GPC5: variants seen among roughly 807,000 people sequenced by gnomAD.
GPC5 encodes glypican-5.
Under a neutral mutation model 53.9 loss-of-function variants are expected in GPC5, and 47 were observed. That is an observed-to-expected ratio of 0.87 (90% CI 0.69 to 1.11). The LOEUF is 1.11. GPC5 is among the 50% of genes most tolerant of loss of function. The pLI is 0.00. For synonymous variants in GPC5, 286 were observed against 263.3 expected, an observed-to-expected ratio of 1.09 and a Z score of -0.84; for missense variants, 748 against 713.1, an observed-to-expected ratio of 1.05 and a Z score of -0.56.
At position 91,565,643 on chromosome 13, in the gene GPC5, G is replaced by A. The variant is rs557089461; in HGVS notation, c.325+116721G>A. Among the ~76,000 whole-genome samples the A allele has an allele frequency of 3.7e-4, 57 of 152,288 alleles. 1 individual carries two copies. In the South Asian group the frequency reaches 0.011, roughly 30 times the overall value. ...CATGGTTGTTTGTCCTAGGCGTTGC[G>A]CCTGGCACACTAATGCTGAACAAAT... On this transcript the variant is annotated intron_variant, in intron 2 of 7. Transcript: ENST00000377067.
intron 4 of GPC5, among the ~76,000 whole-genome samples, chr13:91,739,126 T>C (rs1479728795): frequency 1.3e-5 from 2 of 151,538 alleles, no homozygotes; most frequent in Non-Finnish European, 2.9e-5. Context: ...AATGAAAATG[T>C]CTAAGCCATC....
At chr13:92,072,259 T>C (rs1361931548) in intron 6 of GPC5, among the ~76,000 whole-genome samples, 1 of 150,452 alleles carries the variant, frequency 6.6e-6, no homozygotes, top group Non-Finnish European at 1.5e-5. Flanking sequence ...CTGCTAATTT[T>C]AATTTTATTA....
intron 7 of GPC5, among the ~76,000 whole-genome samples, chr13:92,643,702 G>T (rs1885669015): frequency 6.8e-6 from 1 of 146,584 alleles, no homozygotes; most frequent in African/African-American, 2.5e-5. Context: ...ACAGGAAGGG[G>T]AATATCACAC....
At chr13:91,672,033 T>G (rs2035262567) in intron 2 of GPC5, among the ~76,000 whole-genome samples, 1 of 152,106 alleles carries the variant, frequency 6.6e-6, no homozygotes, top group African/African-American at 2.4e-5. Flanking sequence ...GAAAACTGGC[T>G]AGCCATATGC....
chr13:91,939,772 G>A (rs765537816), intron 6 of GPC5, among the ~76,000 whole-genome samples: 2 of 152,086 alleles, frequency 1.3e-5, no homozygotes, highest in Non-Finnish European at 2.9e-5. Flanking sequence ...AGACTACCAC[G>A]AGGGCTGAAG....
intron 7 of GPC5, among the ~76,000 whole-genome samples, chr13:92,535,577 T>C (rs974264347): frequency 6.6e-6 from 1 of 152,064 alleles, no homozygotes; most frequent in Admixed American, 6.6e-5. Context: ...TGACACTTTT[T>C]GAGAGGCCTC....
intron 2 of GPC5, among the ~76,000 whole-genome samples, chr13:91,498,972 C>CAA (rs5805699): frequency 0.024 from 3,625 of 149,374 alleles, 53 homozygotes; most frequent in South Asian, 0.029. Context: ...GTCTCCCTCT[C>CAA]AAAAAAAAAG....
chr13:92,374,833 C>G (rs1430215858), intron 7 of GPC5, among the ~76,000 whole-genome samples: 1 of 137,334 alleles, frequency 7.3e-6, no homozygotes, highest in Non-Finnish European at 1.5e-5. Flanking sequence ...TGCACATGTA[C>G]CCTAAAACTT....
At chr13:91,677,613 T>G (rs1002890754) in intron 2 of GPC5, among the ~76,000 whole-genome samples, 1 of 152,208 alleles carries the variant, frequency 6.6e-6, no homozygotes, top group African/African-American at 2.4e-5. Flanking sequence ...CCAAGCACTT[T>G]GATCTTGCCC....
chr13:92,621,667 CA>C (rs1196723173), intron 7 of GPC5, among the ~76,000 whole-genome samples: 2 of 151,892 alleles, frequency 1.3e-5, no homozygotes, highest in Admixed American at 1.3e-4. Context: ...CTAAAATTCC[CA>C]AATTAGTTGG....
intron 7 of GPC5, among the ~76,000 whole-genome samples, chr13:92,740,870 TTATG>T (rs1162142221): frequency 7.5e-6 from 1 of 133,550 alleles, no homozygotes; most frequent in Non-Finnish European, 1.6e-5. Context: ...CAAATTATAT[TTATG>T]TATGTATGTA....
At chr13:92,133,399 AG>A (rs1302964132) in intron 6 of GPC5, among the ~76,000 whole-genome samples, 1 of 152,172 alleles carries the variant, frequency 6.6e-6, no homozygotes, top group African/African-American at 2.4e-5. Context: ...GGGAAACTTT[AG>A]GGGAAACTTC....
intron 7 of GPC5, among the ~76,000 whole-genome samples, chr13:92,545,161 C>T (rs1006405379): frequency 2.6e-5 from 4 of 151,852 alleles, no homozygotes; most frequent in African/African-American, 4.8e-5. Context: ...TGAGTGAGAA[C>T]ATGTGGTGGT....
intron 7 of GPC5, among the ~76,000 whole-genome samples, chr13:92,154,628 G>A (rs2041930365): frequency 6.6e-6 from 1 of 152,122 alleles, no homozygotes; most frequent in Admixed American, 6.5e-5. Context: ...CATTTTGCCA[G>A]CTGGTACCTT....
intron 7 of GPC5, among the ~76,000 whole-genome samples, chr13:92,606,852 G>C (rs1051808233): frequency 6.6e-6 from 1 of 151,916 alleles, no homozygotes; most frequent in Non-Finnish European, 1.5e-5. Flanking sequence ...CCTAAGTCTG[G>C]TAGTACGGTA....
intron 1 of GPC5, among the ~76,000 whole-genome samples, chr13:91,422,596 A>G (rs750929114): frequency 3.3e-4 from 50 of 152,046 alleles, no homozygotes; most frequent in Non-Finnish European, 5.4e-4. Flanking sequence ...AGATCACGCC[A>G]TTGCATTCCA....
chr13:92,838,355 G>A (rs1464485601), intron 7 of GPC5, among the ~76,000 whole-genome samples: 6 of 151,536 alleles, frequency 4.0e-5, no homozygotes, highest in African/African-American at 7.3e-5. Context: ...GTGGTGGTGG[G>A]CACTTGTAGT....
At chr13:92,801,825 A>T (rs1379495771) in intron 7 of GPC5, among the ~76,000 whole-genome samples, 1 of 151,882 alleles carries the variant, frequency 6.6e-6, no homozygotes, top group Admixed American at 6.6e-5. Context: ...TTGAATAAGG[A>T]TATAAAGGAA....
At chr13:91,831,128 G>C (rs1285066198) in intron 5 of GPC5, among the ~76,000 whole-genome samples, 2 of 143,316 alleles carry the variant, frequency 1.4e-5, no homozygotes, top group Non-Finnish European at 3.0e-5. Flanking sequence ...ATATATATGA[G>C]TTTATTAAGT....
Sources: allele counts gnomAD v4.1 joint callset (sites outside exome capture counted in the v4.1 genomes callset), GRCh38; gene constraint gnomAD v4.1.1; transcripts MANE v1.5; gene names NCBI Gene and HGNC (gene_info 2026-07-23, HGNC 2026-07-21).